Variants in MAP3K19 observed in about 807,000 individuals in gnomAD.
MAP3K19 encodes SPS1/STE20-related protein kinase YSK4.
A neutral mutation model predicts 114.4 loss-of-function variants in MAP3K19; 91 were observed. The ratio of observed to expected loss-of-function variants is 0.80; its 90% confidence interval spans 0.67 to 0.95. The LOEUF is 0.95. Ranked by LOEUF, MAP3K19 falls within the 40% of genes least tolerant of loss-of-function variation. The pLI, the probability that MAP3K19 is intolerant of heterozygous loss-of-function variation, is 0.00. For synonymous variants in MAP3K19, 518 were observed against 530.5 expected (o/e 0.98, Z 0.32); for missense variants, 1,471 against 1,573.2 (o/e 0.94, Z 1.10).
intron 5 of MAP3K19, among the ~76,000 whole-genome samples, chr2:135,008,923 T>C (rs1687021960): frequency 6.6e-6 from 1 of 151,884 alleles, no homozygotes; most frequent in South Asian, 2.1e-4. Context: ...GAACTATAAG[T>C]ATGTACCACC....
At position 134,986,248 on chromosome 2, in the gene MAP3K19, G is replaced by A. The variant is rs1435886514; in HGVS notation, c.2624C>T (p.Thr875Ile). The change falls in exon 10 of 13, where the codon ACA becomes ATA. Residue 875 changes from threonine to isoleucine, a missense_variant. Transcript: ENST00000392915. ...GGCATTTACTTTACTAAGAGATGCT[G>A]TATTCTGCTTTTCTTGCTGTACATA... is the stretch of plus-strand genomic sequence containing the variant. The part of the protein sequence containing the change: ...NKYVQQEKQN[T>I]ASLSKVNASR... 1.6e-5 allele frequency: 26 copies of A among 1,614,054 alleles called. 1 individual carries two copies. The highest frequency in any genetic ancestry group is 2.2e-5 in the Non-Finnish European group (26 of 1,179,968).
intron 4 of MAP3K19, among the ~76,000 whole-genome samples, chr2:135,024,277 G>A (rs1394549939): frequency 1.3e-5 from 2 of 152,238 alleles, no homozygotes; most frequent in Non-Finnish European, 2.9e-5. Flanking sequence ...CTGTTTCTTT[G>A]TCTTTGTTTG....
rs779594483 is a variant in MAP3K19 at position 134,981,172 on chromosome 2, T to C, written c.3569A>G (p.Asn1190Ser). Residue 1190 changes from asparagine to serine, a missense_variant, in exon 12 of 13, where the codon AAT becomes AGT. Physicochemically the swap from Asn to Ser is conservative, Grantham distance 46. Coordinates refer to ENST00000392915, the MANE Select transcript of MAP3K19 (RefSeq NM_025052.5). ...TCCAGTTGGCATGAGCATAACATTA[T>C]TTCCTTTGATATCGCGATGTACCAC... The part of the protein sequence containing the change: ...NCVVHRDIKG[N>S]NVMLMPTGII... 2 of 1,614,140 alleles carry C rather than the reference T, an allele frequency of 1.2e-6. No individual in the cohort carries two copies. Among genetic ancestry groups the C allele is most frequent in the South Asian group, 2.2e-5 (2 of 91,086 alleles).
chr2:135,023,198 C>T, intron 4 of MAP3K19: 1 of 309,076 alleles, frequency 3.2e-6, no homozygotes, highest in Non-Finnish European at 6.4e-6. Flanking sequence ...TGAAACGTCT[C>T]ACATCCTTAC....
At chr2:135,018,281 C>CAAAAAAAAAAAAA (rs781510594) in intron 5 of MAP3K19, among the ~76,000 whole-genome samples, 1 of 58,288 alleles carries the variant, frequency 1.7e-5, no homozygotes, top group Non-Finnish European at 3.5e-5. Flanking sequence ...GCAACAACAG[C>CAAAAAAAAAAAAA]AAAAAAAAAA....
intron 5 of MAP3K19, among the ~76,000 whole-genome samples, chr2:135,013,148 T>C (rs967509409): frequency 3.3e-5 from 5 of 151,938 alleles, no homozygotes; most frequent in Admixed American, 2.6e-4. Context: ...GGTGAAACCC[T>C]GTCTCTACTA....
At chr2:135,016,956 A>G (rs1330714303) in intron 5 of MAP3K19, among the ~76,000 whole-genome samples, 1 of 152,168 alleles carries the variant, frequency 6.6e-6, no homozygotes, top group Non-Finnish European at 1.5e-5. Context: ...TTGAAAACTC[A>G]TATCATTTGG....
Position 135,005,544 on chromosome 2 carries a change from A to G in MAP3K19, c.139-13T>C. 17 of 1,601,276 alleles carry G rather than the reference A, an allele frequency of 1.1e-5. No individual in the cohort carries two copies. The highest frequency in any genetic ancestry group is 1.4e-5 in the Non-Finnish European group (16 of 1,168,578). On this transcript the variant is annotated splice_polypyrimidine_tract_variant and intron_variant, in intron 5 of 12. Transcript: ENST00000392915. ...CTTGGTCGAACTCCTGCAATATCATAAAATTCAAAACTCAGTTATTAGTTA... is the reference window on the plus strand; with the variant it reads ...CTTGGTCGAACTCCTGCAATATCATGAAATTCAAAACTCAGTTATTAGTTA...
chr2:134,969,471 G>T (rs1683709863), intron 12 of MAP3K19, among the ~76,000 whole-genome samples: 1 of 152,136 alleles, frequency 6.6e-6, no homozygotes, highest in Admixed American at 6.5e-5. Context: ...TCTCTTGGTG[G>T]TTTTAATTTG....
intron 12 of MAP3K19, among the ~76,000 whole-genome samples, chr2:134,972,918 G>C (rs1683975708): frequency 6.6e-6 from 1 of 152,008 alleles, no homozygotes; most frequent in Admixed American, 6.6e-5. Flanking sequence ...ATGTTGTTTA[G>C]TTTCCATGTA....
At chr2:135,033,520 C>T (rs1156830261) in intron 2 of MAP3K19, among the ~76,000 whole-genome samples, 130 of 92,650 alleles carry the variant, frequency 1.4e-3, no homozygotes, top group African/African-American at 1.5e-3. Flanking sequence ...CCAGTAGGGG[C>T]AGCCGGGCAG....
At chr2:134,974,908 G>C (rs1412168275) in intron 12 of MAP3K19, among the ~76,000 whole-genome samples, 2 of 152,198 alleles carry the variant, frequency 1.3e-5, no homozygotes, top group Non-Finnish European at 2.9e-5. Flanking sequence ...GGATGCTTTA[G>C]CTTTGATCCT....
intron 1 of MAP3K19, among the ~76,000 whole-genome samples, chr2:135,045,666 T>G (rs994089435): frequency 1.3e-5 from 2 of 152,232 alleles, no homozygotes; most frequent in African/African-American, 4.8e-5. Context: ...CTTTTTAATG[T>G]GACCCTTAAG....
chr2:135,025,796 T>C (rs11889089), intron 3 of MAP3K19, among the ~76,000 whole-genome samples: 40,214 of 138,636 alleles, frequency 0.29, 7,156 homozygotes, highest in African/African-American at 0.51. Flanking sequence ...CTCTCTATTA[T>C]GACAGCACAA....
At chr2:134,969,916 G>T (rs1216568609) in intron 12 of MAP3K19, among the ~76,000 whole-genome samples, 2 of 152,036 alleles carry the variant, frequency 1.3e-5, no homozygotes, top group Admixed American at 1.3e-4. Context: ...AAATAAGTTG[G>T]TTTACATATG....
intron 2 of MAP3K19, among the ~76,000 whole-genome samples, chr2:135,035,170 G>A (rs1207885290): frequency 7.9e-5 from 12 of 152,124 alleles, no homozygotes; most frequent in Non-Finnish European, 1.8e-4. Flanking sequence ...GCCGAAGCAG[G>A]TGGATCACTT....
At chr2:134,971,340 T>G (rs537112847) in intron 12 of MAP3K19, among the ~76,000 whole-genome samples, 1 of 152,362 alleles carries the variant, frequency 6.6e-6, no homozygotes, top group Admixed American at 6.5e-5. Context: ...TCAGGAATTT[T>G]GTATCTGTGT....
chr2:135,003,647 C>T (rs1037601409), intron 6 of MAP3K19, among the ~76,000 whole-genome samples: 25 of 151,472 alleles, frequency 1.7e-4, no homozygotes, highest in Admixed American at 6.6e-4. Flanking sequence ...CTCCGCCTCC[C>T]GGGTTCAAAC....
chr2:135,011,309 G>A (rs1360012796), intron 5 of MAP3K19, among the ~76,000 whole-genome samples: 7 of 152,156 alleles, frequency 4.6e-5, no homozygotes, highest in Non-Finnish European at 7.4e-5. Context: ...AGGCCAAGGC[G>A]GGTGGATCAC....
Sources: allele counts gnomAD v4.1 joint callset (sites outside exome capture counted in the v4.1 genomes callset), GRCh38; gene constraint gnomAD v4.1.1; transcripts MANE v1.5; gene names NCBI Gene and HGNC (gene_info 2026-07-23, HGNC 2026-07-21).